Variants in SLC25A21 observed in about 807,000 individuals in gnomAD.
SLC25A21 encodes the protein solute carrier family 25 member 21.
SLC25A21 carries 47 observed loss-of-function variants against 43.8 expected under a neutral mutation model. The observed-to-expected ratio is 1.07, with a 90% CI of 0.85 to 1.37. The LOEUF (loss-of-function observed/expected upper bound fraction) is 1.37, where lower values mean the gene tolerates loss of function less well. SLC25A21 is among the 40% of genes most tolerant of loss of function. The pLI is 0.00. For missense variants in SLC25A21, 352 were observed against 350.2 expected (o/e 1.00, Z -0.04); for synonymous variants, 131 against 121.3 (o/e 1.08, Z -0.52).
In SLC25A21 at chr14:36,833,044, GTCTA is replaced by G. The variant is rs570024186; in HGVS notation, c.120-19047_120-19044del. ...GAAGTTCATTATGGTTAAATTTTCA[GTCTA>G]TCTATAAAGTGCATAGCAAGCTATA... On this transcript the variant is annotated intron_variant, in intron 2 of 9. Coordinates refer to ENST00000331299, the MANE Select transcript of SLC25A21 (RefSeq NM_030631.4). Among the ~76,000 whole-genome samples, 109 of 152,274 alleles carry G rather than the reference GTCTA, an allele frequency of 7.2e-4. 2 individuals carry two copies. The South Asian group carries it at 0.022, about 31-fold the overall frequency.
chr14:36,829,441 G>A (rs973223395), intron 2 of SLC25A21, among the ~76,000 whole-genome samples: 1 of 152,100 alleles, frequency 6.6e-6, no homozygotes, highest in African/African-American at 2.4e-5. Context: ...ACTTCTCAAA[G>A]ATAAAGAGTT....
chr14:36,918,567 C>T (rs1891893175), intron 1 of SLC25A21, among the ~76,000 whole-genome samples: 2 of 151,970 alleles, frequency 1.3e-5, no homozygotes, highest in Non-Finnish European at 1.5e-5. Flanking sequence ...GATGAGAAAG[C>T]CCAACACAGA....
chr14:36,769,815 A>G (rs930917553), intron 3 of SLC25A21, among the ~76,000 whole-genome samples: 5 of 152,178 alleles, frequency 3.3e-5, no homozygotes, highest in African/African-American at 1.2e-4. Context: ...TGTCATTTCT[A>G]TTTTTACATT....
chr14:36,761,224 C>A (rs1175383606), intron 3 of SLC25A21, among the ~76,000 whole-genome samples: 1 of 152,190 alleles, frequency 6.6e-6, no homozygotes, highest in Non-Finnish European at 1.5e-5. Flanking sequence ...GTTGGCACGG[C>A]CGGCCTGTGG....
intron 1 of SLC25A21, among the ~76,000 whole-genome samples, chr14:36,939,069 C>A (rs1199814908): frequency 6.6e-6 from 1 of 152,100 alleles, no homozygotes; most frequent in Non-Finnish European, 1.5e-5. Flanking sequence ...TTAATGAAGT[C>A]TTCTCAAACA....
chr14:37,141,912 G>A (rs963065627), intron 1 of SLC25A21, among the ~76,000 whole-genome samples: 8 of 152,092 alleles, frequency 5.3e-5, no homozygotes, highest in South Asian at 2.1e-4. Flanking sequence ...CAGATAGAGC[G>A]ACGTAAAAAA....
intron 3 of SLC25A21, among the ~76,000 whole-genome samples, chr14:36,757,505 G>A (rs193034480): frequency 5.1e-4 from 77 of 152,138 alleles, no homozygotes; most frequent in African/African-American, 1.9e-3. Flanking sequence ...CACATAGATC[G>A]ATTTATCAAC....
chr14:36,969,239 C>A (rs1264731567), intron 1 of SLC25A21, among the ~76,000 whole-genome samples: 2 of 152,096 alleles, frequency 1.3e-5, no homozygotes, highest in African/African-American at 4.8e-5. Context: ...ATGTTCCAGA[C>A]CCCCTGTTAA....
At chr14:37,034,051 C>T (rs1017520897) in intron 1 of SLC25A21, among the ~76,000 whole-genome samples, 2 of 151,760 alleles carry the variant, frequency 1.3e-5, no homozygotes, top group Admixed American at 1.3e-4. Context: ...GAGTCTCACT[C>T]TGTCGCCCAG....
At chr14:37,021,823 C>T (rs1960992519) in intron 1 of SLC25A21, among the ~76,000 whole-genome samples, 1 of 151,750 alleles carries the variant, frequency 6.6e-6, no homozygotes, top group Admixed American at 6.6e-5. Flanking sequence ...CTAGAAATAG[C>T]AGGGATTGAA....
intron 6 of SLC25A21, among the ~76,000 whole-genome samples, chr14:36,720,121 T>C (rs1884316842): frequency 6.6e-6 from 1 of 152,118 alleles, no homozygotes; most frequent in Non-Finnish European, 1.5e-5. Context: ...TCCCACACCT[T>C]CTTCTAGACC....
intron 2 of SLC25A21, among the ~76,000 whole-genome samples, chr14:36,823,314 T>C (rs114310093): frequency 6.6e-6 from 1 of 152,182 alleles, no homozygotes; most frequent in East Asian, 1.9e-4. Context: ...TGGTCTCCAT[T>C]AAACAAAAGC....
At chr14:36,691,460 A>G (rs912314463) in intron 7 of SLC25A21, among the ~76,000 whole-genome samples, 1 of 152,214 alleles carries the variant, frequency 6.6e-6, no homozygotes, top group Non-Finnish European at 1.5e-5. Context: ...TCCAACTGTC[A>G]CCAATTAGGA....
intron 1 of SLC25A21, among the ~76,000 whole-genome samples, chr14:36,953,388 C>G (rs545364596): frequency 1.3e-5 from 2 of 152,146 alleles, no homozygotes; most frequent in South Asian, 4.2e-4. Context: ...TCATACATCT[C>G]ACTATATAGT....
intron 1 of SLC25A21, among the ~76,000 whole-genome samples, chr14:36,910,283 A>T (rs1891651122): frequency 6.6e-6 from 1 of 152,174 alleles, no homozygotes; most frequent in Non-Finnish European, 1.5e-5. Context: ...AATGACCTCT[A>T]TTACTTAGCG....
At chr14:36,750,053 A>C (rs1885645374) in intron 3 of SLC25A21, among the ~76,000 whole-genome samples, 1 of 152,300 alleles carries the variant, frequency 6.6e-6, no homozygotes, top group South Asian at 2.1e-4. Flanking sequence ...ATAGGACCTG[A>C]CATATAAGAG....
intron 1 of SLC25A21, among the ~76,000 whole-genome samples, chr14:37,106,825 G>A (rs369889434): frequency 4.6e-5 from 7 of 152,100 alleles, no homozygotes; most frequent in South Asian, 2.1e-4. Flanking sequence ...TATCACCCCC[G>A]GCAGCCCAGC....
At chr14:36,767,819 C>A (rs760472521) in intron 3 of SLC25A21, among the ~76,000 whole-genome samples, 2 of 152,152 alleles carry the variant, frequency 1.3e-5, no homozygotes, top group Non-Finnish European at 2.9e-5. Flanking sequence ...AATTCAGGCC[C>A]GTTGGTATCT....
At chr14:37,088,043 T>G (rs943635071) in intron 1 of SLC25A21, among the ~76,000 whole-genome samples, 1 of 152,230 alleles carries the variant, frequency 6.6e-6, no homozygotes, top group African/African-American at 2.4e-5. Context: ...AACTTGTAAC[T>G]TGAAATGTGT....
Sources: gnomAD v4.1 joint callset for allele counts (sites outside exome capture counted in the v4.1 genomes callset) on GRCh38, gnomAD v4.1.1 for gene constraint, MANE v1.5 for transcripts, NCBI Gene and HGNC (gene_info 2026-07-23, HGNC 2026-07-21) for gene names.